Variants in ZNF277 observed in about 807,000 individuals in gnomAD.
ZNF277 encodes nuclear receptor-interacting factor 4.
In ZNF277, 55 loss-of-function variants were observed where a neutral mutation model predicts 60.7. The observed-to-expected ratio is 0.91, with a 90% CI of 0.73 to 1.13. ZNF277 has a LOEUF of 1.13. Ranked by LOEUF, ZNF277 falls within the 50% of genes most tolerant of loss-of-function variation. The pLI is 0.00. For synonymous variants in ZNF277, 178 were observed against 179.3 expected, an observed-to-expected ratio of 0.99 and a Z score of 0.06; for missense variants, 510 against 523.0, an observed-to-expected ratio of 0.98 and a Z score of 0.24.
chr7:112,256,726 G>A (rs917832760), intron 1 of ZNF277, among the ~76,000 whole-genome samples: 5 of 152,096 alleles, frequency 3.3e-5, no homozygotes, highest in Admixed American at 1.3e-4. Flanking sequence ...GATTACAGGC[G>A]TAAACCAGTG....
intron 1 of ZNF277, among the ~76,000 whole-genome samples, chr7:112,285,034 C>T (rs1397819815): frequency 6.6e-6 from 1 of 151,692 alleles, no homozygotes; most frequent in African/African-American, 2.4e-5. Flanking sequence ...TATATAATTT[C>T]TTTTTTTTCT....
chr7:112,298,210 A>G (rs2117080412), intron 4 of ZNF277, among the ~76,000 whole-genome samples: 1 of 152,278 alleles, frequency 6.6e-6, no homozygotes, highest in African/African-American at 2.4e-5. Context: ...AGATAATGAT[A>G]AAATATCTTG....
At chr7:112,253,708 A>T (rs1251552047) in intron 1 of ZNF277, among the ~76,000 whole-genome samples, 1 of 152,070 alleles carries the variant, frequency 6.6e-6, no homozygotes, top group Non-Finnish European at 1.5e-5. Flanking sequence ...TTTCCTTCTC[A>T]TCCTTTCAAA....
intron 1 of ZNF277, among the ~76,000 whole-genome samples, chr7:112,265,029 A>G (rs932267367): frequency 6.6e-5 from 10 of 152,142 alleles, no homozygotes; most frequent in African/African-American, 2.4e-4. Context: ...TGTGGCATTT[A>G]TTGACTTCTC....
chr7:112,244,781 G>A (rs73717517), intron 1 of ZNF277, among the ~76,000 whole-genome samples: 1 of 151,990 alleles, frequency 6.6e-6, no homozygotes, highest in Admixed American at 6.6e-5. Context: ...ATTTGTTGAT[G>A]TGCAGTAACC....
intron 1 of ZNF277, among the ~76,000 whole-genome samples, chr7:112,238,797 A>ATTTTTTTTTT (rs200616379): frequency 1.6e-5 from 2 of 124,504 alleles, no homozygotes; most frequent in Admixed American, 7.7e-5. Flanking sequence ...TTTTTACTTA[A>ATTTTTTTTTT]TTTTTTTTTT....
At position 112,222,997 on chromosome 7, in the gene ZNF277, G is replaced by A. The variant is rs56864625; in HGVS notation, c.91+16190G>A. 3.0e-3 allele frequency among the ~76,000 whole-genome samples: 464 copies of A among 152,226 alleles called. 1 individual carries two copies. Among genetic ancestry groups the A allele is most frequent in the African/African-American group, 0.011 (447 of 41,540 alleles). On this transcript the variant is annotated intron_variant, in intron 1 of 11. Coordinates refer to ENST00000361822, the MANE Select transcript of ZNF277 (RefSeq NM_021994.3). ...TGGATGCTTCCTGCCCTCGAACATC[G>A]TACTCCAAGTTCTTCAGTTTTGGAA...
chr7:112,221,948 G>A (rs1172494838), intron 1 of ZNF277, among the ~76,000 whole-genome samples: 1 of 152,138 alleles, frequency 6.6e-6, no homozygotes, highest in Non-Finnish European at 1.5e-5. Flanking sequence ...CACATCTATG[G>A]AGTCATATAT....
intron 1 of ZNF277, among the ~76,000 whole-genome samples, chr7:112,221,563 A>G (rs1233390887): frequency 6.6e-6 from 1 of 152,164 alleles, no homozygotes; most frequent in Non-Finnish European, 1.5e-5. Flanking sequence ...AATATTTACC[A>G]TGATAAAGAA....
intron 2 of ZNF277, among the ~76,000 whole-genome samples, chr7:112,290,657 T>C (rs936847576): frequency 6.6e-6 from 1 of 152,200 alleles, no homozygotes; most frequent in East Asian, 1.9e-4. Context: ...TTAATTCTGA[T>C]TGATCAGGCA....
In ZNF277 at chr7:112,244,668, T is replaced by C. The variant is rs185820982; in HGVS notation, c.91+37861T>C. ...TTCTTTTAAGTATCATATACATATATAGTTTTCTCTATTACCTCTTTCTTT... is the reference window on the plus strand; with the variant it reads ...TTCTTTTAAGTATCATATACATATACAGTTTTCTCTATTACCTCTTTCTTT... On this transcript the variant is annotated intron_variant, in intron 1 of 11. Transcript: ENST00000361822. 1.1e-3 allele frequency among the ~76,000 whole-genome samples: 164 copies of C among 152,264 alleles called. 3 individuals are homozygous for C. The highest frequency in any genetic ancestry group is 6.5e-3 in the Admixed American group (99 of 15,282).
chr7:112,308,936 T>A (rs1792660582), intron 4 of ZNF277, among the ~76,000 whole-genome samples: 1 of 152,082 alleles, frequency 6.6e-6, no homozygotes, highest in Admixed American at 6.6e-5. Flanking sequence ...AAGGGGGATA[T>A]GATCTGGTAA....
At chr7:112,242,573 A>T (rs1023501351) in intron 1 of ZNF277, among the ~76,000 whole-genome samples, 2 of 68,246 alleles carry the variant, frequency 2.9e-5, no homozygotes, top group African/African-American at 7.8e-5. Flanking sequence ...AAAAAAAAAA[A>T]CAAAATAAAA....
At chr7:112,209,918 G>A (rs1040655272) in intron 1 of ZNF277, among the ~76,000 whole-genome samples, 5 of 152,030 alleles carry the variant, frequency 3.3e-5, no homozygotes, top group African/African-American at 1.2e-4. Flanking sequence ...AACACCACAT[G>A]TTCTCACTTA....
chr7:112,231,077 G>T (rs1822314232), intron 1 of ZNF277, among the ~76,000 whole-genome samples: 1 of 152,078 alleles, frequency 6.6e-6, no homozygotes, highest in African/African-American at 2.4e-5. Flanking sequence ...AGCTGGGCGT[G>T]GTGGCAGGCA....
intron 4 of ZNF277, among the ~76,000 whole-genome samples, chr7:112,303,797 A>T (rs1202838268): frequency 4.6e-5 from 7 of 151,440 alleles, no homozygotes; most frequent in Non-Finnish European, 8.8e-5. Context: ...CTCCTAGTTT[A>T]TTTTTTTTGG....
chr7:112,253,143 A>G (rs967076283), intron 1 of ZNF277, among the ~76,000 whole-genome samples: 5 of 152,148 alleles, frequency 3.3e-5, no homozygotes, highest in Admixed American at 6.6e-5. Context: ...TTCAAAAGGG[A>G]GTTATTTTGA....
At chr7:112,306,493 G>A (rs1477534040) in intron 4 of ZNF277, among the ~76,000 whole-genome samples, 2 of 152,062 alleles carry the variant, frequency 1.3e-5, no homozygotes, top group Non-Finnish European at 2.9e-5. Flanking sequence ...GGGATTATAG[G>A]CGTGAGCCAC....
chr7:112,211,819 G>A (rs1165820251), intron 1 of ZNF277, among the ~76,000 whole-genome samples: 1 of 152,100 alleles, frequency 6.6e-6, no homozygotes, highest in East Asian at 1.9e-4. Context: ...TGGCAACTTT[G>A]TCTACCCCAG....
Sources: gnomAD v4.1 joint callset for allele counts (sites outside exome capture counted in the v4.1 genomes callset) on GRCh38, gnomAD v4.1.1 for gene constraint, MANE v1.5 for transcripts, NCBI Gene and HGNC (gene_info 2026-07-23, HGNC 2026-07-21) for gene names.